KALRN: variants seen among roughly 807,000 people sequenced by gnomAD.
KALRN encodes kalirin.
In KALRN, 70 loss-of-function variants were observed where a neutral mutation model predicts 353.7. The observed-to-expected ratio is 0.20, with a 90% CI of 0.16 to 0.24. KALRN has a LOEUF of 0.24. KALRN is among the 10% of genes least tolerant of loss of function. KALRN has a pLI of 1.00. For synonymous variants in KALRN, 1,391 were observed against 1,434.8 expected (o/e 0.97, Z 0.69); for missense variants, 2,791 against 3,756.7 (o/e 0.74, Z 6.72).
intron 15 of KALRN, among the ~76,000 whole-genome samples, chr3:124,424,264 T>C (rs548968893): frequency 1.6e-3 from 237 of 152,296 alleles, no homozygotes; most frequent in Middle Eastern, 6.8e-3. Flanking sequence ...TTAAACATTT[T>C]TTTTTCTTGT....
chr3:124,657,827 C>G, intron 41 of KALRN, 24 bp downstream of exon 41: 1 of 1,496,204 alleles, frequency 6.7e-7, no homozygotes, highest in Non-Finnish European at 9.3e-7. Flanking sequence ...ATCACCTCCT[C>G]CCCAACTCCT....
chr3:124,718,890 C>A (rs2063291498), intron 59 of KALRN, 35 bp from the exon 60 acceptor site: 4 of 1,600,136 alleles, frequency 2.5e-6, no homozygotes, highest in Middle Eastern at 1.7e-4. Flanking sequence ...CCTAAACTTC[C>A]CTTCTTTTCT....
At chr3:124,666,043 G>A (rs1378480687) in intron 45 of KALRN, among the ~76,000 whole-genome samples, 1 of 152,172 alleles carries the variant, frequency 6.6e-6, no homozygotes, top group Non-Finnish European at 1.5e-5. Flanking sequence ...AAAGGAACCA[G>A]GCAGGCACCG....
At chr3:124,354,899 T>C (rs1183011492) in intron 10 of KALRN, among the ~76,000 whole-genome samples, 1 of 152,054 alleles carries the variant, frequency 6.6e-6, no homozygotes, top group East Asian at 1.9e-4. Flanking sequence ...AGAAACAAAA[T>C]GAAGATAAGA....
At chr3:124,309,508 GT>G (rs1211920456) in intron 6 of KALRN, among the ~76,000 whole-genome samples, 3 of 152,094 alleles carry the variant, frequency 2.0e-5, no homozygotes, top group Non-Finnish European at 4.4e-5. Flanking sequence ...GCTTTAATGA[GT>G]TATAATCGTG....
chr3:124,473,129 C>T (rs1190296847), intron 25 of KALRN, among the ~76,000 whole-genome samples: 1 of 152,186 alleles, frequency 6.6e-6, no homozygotes, highest in African/African-American at 2.4e-5. Context: ...TTTTTAAGCT[C>T]CAAACAATGT....
Position 124,724,577 on chromosome 3 carries a change from ATATT to A in KALRN, c.*5113_*5116del, listed in dbSNP as rs545515982. 102 of 152,332 alleles carry A rather than the reference ATATT, an allele frequency of 6.7e-4. No homozygotes were observed. The highest frequency in any genetic ancestry group is 2.5e-3 in the African/African-American group (102 of 41,586). 9.4% of individuals were successfully genotyped at this position (152,332 alleles called of 1,614,324 possible). ...CAAGAAAAGGAAAGCTACTATGTTAATATTTATTTTCTAAAAATATTAAGGCTCT... is the reference window on the plus strand; with the variant it reads ...CAAGAAAAGGAAAGCTACTATGTTAATATTTTCTAAAAATATTAAGGCTCT... On this transcript the variant is annotated 3_prime_UTR_variant, in exon 60 of 60. Transcript: ENST00000682506.
chr3:124,322,010 GT>G (rs1470505016), intron 6 of KALRN, among the ~76,000 whole-genome samples: 1 of 152,332 alleles, frequency 6.6e-6, no homozygotes, highest in Non-Finnish European at 1.5e-5. Context: ...TATTAGTCAA[GT>G]TATTACCTTC....
intron 34 of KALRN, among the ~76,000 whole-genome samples, chr3:124,610,996 C>T (rs1258987038): frequency 2.6e-5 from 4 of 152,074 alleles, no homozygotes; most frequent in Non-Finnish European, 4.4e-5. Flanking sequence ...TGCACTCCAG[C>T]CTGGGCAACA....
At chr3:124,192,066 G>T (rs2074976836) in intron 1 of KALRN, among the ~76,000 whole-genome samples, 1 of 152,214 alleles carries the variant, frequency 6.6e-6, no homozygotes. Flanking sequence ...GGAGACACTG[G>T]TTGGTATAGG....
At chr3:124,044,713 G>A (rs549563184) in intron 1 of KALRN, among the ~76,000 whole-genome samples, 1 of 151,668 alleles carries the variant, frequency 6.6e-6, no homozygotes, top group Non-Finnish European at 1.5e-5. Flanking sequence ...TACTAGTAAT[G>A]TGGTATTATA....
intron 1 of KALRN, among the ~76,000 whole-genome samples, chr3:124,226,270 C>A (rs2078489687): frequency 6.6e-6 from 1 of 152,018 alleles, no homozygotes; most frequent in South Asian, 2.1e-4. Flanking sequence ...TCCTAATTAG[C>A]CTCTATTAGT....
At chr3:124,140,725 C>T (rs1262121736) in intron 1 of KALRN, among the ~76,000 whole-genome samples, 1 of 152,090 alleles carries the variant, frequency 6.6e-6, no homozygotes, top group East Asian at 1.9e-4. Flanking sequence ...AGTCCATTCC[C>T]ATTCTCCCTG....
chr3:124,262,361 G>A (rs1224473759), intron 3 of KALRN, among the ~76,000 whole-genome samples: 1 of 152,204 alleles, frequency 6.6e-6, no homozygotes, highest in Non-Finnish European at 1.5e-5. Flanking sequence ...AGCATCTCTT[G>A]CATGGATCTT....
At chr3:124,186,286 C>T (rs1006426140) in intron 1 of KALRN, among the ~76,000 whole-genome samples, 4 of 152,116 alleles carry the variant, frequency 2.6e-5, no homozygotes, top group Non-Finnish European at 5.9e-5. Context: ...ACATTTACCC[C>T]AGTGGTTAGG....
chr3:124,345,286 T>C (rs2082153462), intron 9 of KALRN, among the ~76,000 whole-genome samples: 1 of 152,220 alleles, frequency 6.6e-6, no homozygotes, highest in Admixed American at 6.5e-5. Flanking sequence ...TCGCACCTAA[T>C]ATATGGGAAA....
At chr3:124,325,910 G>A in intron 6 of KALRN, 70 bp from the exon 7 acceptor site, 1 of 1,326,686 alleles carries the variant, frequency 7.5e-7, no homozygotes, top group Non-Finnish European at 1.1e-6. Flanking sequence ...CCCCAAATAT[G>A]TACCCCACGA....
intron 4 of KALRN, among the ~76,000 whole-genome samples, chr3:124,265,361 C>T (rs1054890871): frequency 2.9e-4 from 38 of 131,596 alleles, no homozygotes; most frequent in Non-Finnish European, 1.1e-4. Context: ...GTGATGATCT[C>T]GGCTCACTGC....
At chr3:124,705,048 T>C (rs1400128516) in intron 57 of KALRN, among the ~76,000 whole-genome samples, 2 of 152,140 alleles carry the variant, frequency 1.3e-5, no homozygotes, top group Non-Finnish European at 2.9e-5. Context: ...AGCACATCCA[T>C]AGAAGGAAAG....
Sources: gnomAD v4.1 joint callset for allele counts (sites outside exome capture counted in the v4.1 genomes callset) on GRCh38, gnomAD v4.1.1 for gene constraint, MANE v1.5 for transcripts, NCBI Gene and HGNC (gene_info 2026-07-23, HGNC 2026-07-21) for gene names.